Variants in OPHN1 observed in about 807,000 individuals in gnomAD.
OPHN1 encodes the protein oligophrenin 1, also known as oligophrenin-1.
A neutral mutation model predicts 60.7 loss-of-function variants in OPHN1; 11 were observed. That is an observed-to-expected ratio of 0.18 (90% confidence interval 0.11 to 0.30). The LOEUF (loss-of-function observed/expected upper bound fraction) is 0.30. Among genes scored for constraint, OPHN1 ranks in the 10% least tolerant of loss-of-function variants. The pLI, the probability that OPHN1 is intolerant of heterozygous loss-of-function variation, is 1.00. For synonymous variants in OPHN1, 226 were observed against 222.6 expected, an observed-to-expected ratio of 1.02 and a Z score of -0.14; for missense variants, 449 against 611.0, an observed-to-expected ratio of 0.73 and a Z score of 2.80.
chrX:68,292,587 G>A (rs777669785), intron 3 of OPHN1, among the ~76,000 whole-genome samples: 52 of 111,253 alleles, frequency 4.7e-4, no homozygotes, highest in Non-Finnish European at 9.0e-4. Flanking sequence ...TTAATCTGAT[G>A]CTTCCCTGAA....
rs189996929 is a variant in OPHN1, at chrX:68,210,028, G to A, written c.832+125C>T. 6.8e-4 allele frequency: 452 copies of A among 661,282 alleles called. 2 individuals carry two copies. Among genetic ancestry groups the A allele is most frequent in the Middle Eastern group, 5.4e-3 (18 of 3,306 alleles). 54.5% of individuals were successfully genotyped at this position (661,282 alleles called of 1,213,427 possible). A position where few individuals can be genotyped will look rare whatever the true frequency, so the allele number is the denominator to read the frequency against. Reference sequence around the variant, plus strand: ...TTTGTTTTCAGTATTCCCTGCCTGCGTTCCAAGGGAATTTTAGCTATCAGG... The same window carrying A: ...TTTGTTTTCAGTATTCCCTGCCTGCATTCCAAGGGAATTTTAGCTATCAGG... On this transcript the variant is annotated intron_variant, in intron 9 of 24. Coordinates refer to ENST00000355520, the MANE Select transcript of OPHN1 (RefSeq NM_002547.3).
chrX:68,113,641 G>A (rs986712890), intron 16 of OPHN1, among the ~76,000 whole-genome samples: 1 of 110,323 alleles, frequency 9.1e-6, no homozygotes, highest in East Asian at 2.9e-4. Context: ...CCCCATTTAC[G>A]GGAGGAGGAA....
At chrX:68,423,356 G>A (rs1041958472) in intron 2 of OPHN1, among the ~76,000 whole-genome samples, 3 of 111,022 alleles carry the variant, frequency 2.7e-5, no homozygotes, top group Non-Finnish European at 5.7e-5. Context: ...CAACCTTCCA[G>A]GTCTGATGTT....
intron 4 of OPHN1, 47 bp downstream of exon 4, chrX:68,283,009 C>T: frequency 9.8e-7 from 1 of 1,020,145 alleles, no homozygotes; most frequent in Non-Finnish European, 1.4e-6. Context: ...GAAAAATCCC[C>T]TATATCACCC....
At chrX:68,338,375 G>T (rs886471590) in intron 2 of OPHN1, among the ~76,000 whole-genome samples, 2 of 111,907 alleles carry the variant, frequency 1.8e-5, no homozygotes, top group African/African-American at 6.5e-5. Context: ...AAATTTGAAA[G>T]AACTGAAATC....
At chrX:68,294,473 CA>C (rs570989143) in intron 3 of OPHN1, among the ~76,000 whole-genome samples, 418 of 10,619 alleles carry the variant, frequency 0.039, no homozygotes, top group African/African-American at 0.083. Context: ...GACTCTATCA[CA>C]AAAAAAAAAA....
At chrX:68,067,091 GAAAT>G (rs2076915839) in intron 20 of OPHN1, among the ~76,000 whole-genome samples, 2 of 111,818 alleles carry the variant, frequency 1.8e-5, no homozygotes, top group East Asian at 5.6e-4. Context: ...TACAGTAATA[GAAAT>G]AAATCAATTA....
intron 2 of OPHN1, among the ~76,000 whole-genome samples, chrX:68,305,279 G>C (rs2078139748): frequency 9.0e-6 from 1 of 111,371 alleles, no homozygotes; most frequent in Non-Finnish European, 1.9e-5. Flanking sequence ...AGCTACTCAG[G>C]AGGCTGAAGT....
At chrX:68,224,312 AT>A (rs1317553227) in intron 6 of OPHN1, among the ~76,000 whole-genome samples, 1 of 111,632 alleles carries the variant, frequency 9.0e-6, no homozygotes, top group African/African-American at 3.3e-5. Flanking sequence ...AATGCCCCAA[AT>A]AATTGGAGAT....
intron 2 of OPHN1, among the ~76,000 whole-genome samples, chrX:68,411,888 A>G (rs953449115): frequency 9.0e-6 from 1 of 110,953 alleles, no homozygotes; most frequent in Non-Finnish European, 1.9e-5. Context: ...TTTCTTCCAG[A>G]GTTTGTATAG....
At chrX:68,361,823 A>G (rs1270549448) in intron 2 of OPHN1, among the ~76,000 whole-genome samples, 2 of 111,731 alleles carry the variant, frequency 1.8e-5, no homozygotes, top group Non-Finnish European at 3.8e-5. Context: ...AATAATGGCC[A>G]TACTAATTAA....
At chrX:68,427,277 A>AC (rs1244323248) in intron 2 of OPHN1, among the ~76,000 whole-genome samples, 2 of 108,873 alleles carry the variant, frequency 1.8e-5, no homozygotes, top group Admixed American at 2.0e-4. Flanking sequence ...CAAAAAAAAA[A>AC]AACAACAACA....
chrX:68,363,746 C>T (rs774997372), intron 2 of OPHN1, among the ~76,000 whole-genome samples: 5 of 111,362 alleles, frequency 4.5e-5, no homozygotes, highest in Non-Finnish European at 7.5e-5. Flanking sequence ...TATACTAAAA[C>T]AGTCCGTATC....
chrX:68,290,272 C>A (rs753678706), intron 3 of OPHN1, among the ~76,000 whole-genome samples: 3 of 110,840 alleles, frequency 2.7e-5, no homozygotes, highest in Non-Finnish European at 5.7e-5. Flanking sequence ...CCAGTCTGGG[C>A]AACATGATGA....
intron 5 of OPHN1, among the ~76,000 whole-genome samples, chrX:68,249,730 G>A (rs1017172288): frequency 1.8e-5 from 2 of 111,426 alleles, no homozygotes; most frequent in Non-Finnish European, 3.8e-5. Context: ...ACCAGTCCCC[G>A]AGGATCCCAG....
chrX:68,218,456 C>T (rs1192555010), intron 6 of OPHN1, among the ~76,000 whole-genome samples: 8 of 106,292 alleles, frequency 7.5e-5, no homozygotes, highest in African/African-American at 1.0e-4. Context: ...TTGAAAAGAG[C>T]GACTCCAAGA....
At chrX:68,205,981 T>A (rs1335007619) in intron 10 of OPHN1, among the ~76,000 whole-genome samples, 1 of 94,799 alleles carries the variant, frequency 1.1e-5, no homozygotes, top group African/African-American at 3.8e-5. Context: ...TGTGTGTGAG[T>A]GTGTGTGTGT....
intron 15 of OPHN1, among the ~76,000 whole-genome samples, chrX:68,187,522 A>G (rs1437018656): frequency 9.0e-6 from 1 of 110,546 alleles, no homozygotes; most frequent in East Asian, 2.9e-4. Context: ...AAAAAAAAAA[A>G]GTAGCCTTGC....
chrX:68,386,879 G>C (rs1162662215), intron 2 of OPHN1, among the ~76,000 whole-genome samples: 1 of 111,675 alleles, frequency 9.0e-6, no homozygotes, highest in East Asian at 2.8e-4. Flanking sequence ...TGTGTGGGTC[G>C]GTTTATTTTA....
Sources: gnomAD v4.1 joint callset for allele counts (sites outside exome capture counted in the v4.1 genomes callset) on GRCh38, gnomAD v4.1.1 for gene constraint, MANE v1.5 for transcripts, NCBI Gene and HGNC (gene_info 2026-07-23, HGNC 2026-07-21) for gene names.